The following RBM28 variants were observed in gnomAD, a reference collection of about 807,000 sequenced individuals.
RBM28 encodes RNA binding motif protein 28.
RBM28 carries 78 observed loss-of-function variants against 98.3 expected under a neutral mutation model. The ratio of observed to expected loss-of-function variants is 0.79; its 90% confidence interval spans 0.66 to 0.96. The LOEUF (loss-of-function observed/expected upper bound fraction) is 0.96, where lower values mean the gene tolerates loss of function less well. RBM28 is among the 40% of genes least tolerant of loss of function. The pLI, the probability that RBM28 is intolerant of heterozygous loss-of-function variation, is 0.00. For synonymous variants in RBM28, 306 were observed against 330.9 expected (o/e 0.92, Z 0.82); for missense variants, 838 against 913.0 (o/e 0.92, Z 1.06).
At chr7:128,318,772 A>G (rs1007155905) in intron 14 of RBM28, among the ~76,000 whole-genome samples, 1 of 152,264 alleles carries the variant, frequency 6.6e-6, no homozygotes, top group Non-Finnish European at 1.5e-5. Context: ...ATTGAGAGGT[A>G]CATGGTATTT....
At chr7:128,343,633 T>G in intron 1 of RBM28, 43 bp downstream of exon 1, 1 of 1,457,634 alleles carries the variant, frequency 6.9e-7, no homozygotes, top group Non-Finnish European at 9.4e-7. Flanking sequence ...GTGCCCTCGA[T>G]CGCAGGAAAC....
At position 128,331,012 on chromosome 7, in the gene RBM28, A is replaced by G. The variant is rs1460107416; in HGVS notation, c.1020-84T>C. 6 of 906,002 alleles carry G rather than the reference A, an allele frequency of 6.6e-6. No individual in the cohort carries two copies. In the East Asian group the frequency reaches 7.3e-5, roughly 11 times the overall value. 56.1% of individuals were successfully genotyped at this position (906,002 alleles called of 1,614,324 possible). ...TTCCAGGACAATGTAAGTGAGTTAG[A>G]TATCAACTCTCCCTTGTTCAGAAAT... On this transcript the variant is annotated intron_variant, in intron 9 of 18. Coordinates refer to ENST00000223073, the MANE Select transcript of RBM28 (RefSeq NM_018077.3).
At chr7:128,337,617 G>A (rs1290859766) in intron 5 of RBM28, among the ~76,000 whole-genome samples, 1 of 146,616 alleles carries the variant, frequency 6.8e-6, no homozygotes. Flanking sequence ...GGAGTGCAGT[G>A]GTGCCATCTC....
rs1562959296 is a variant in RBM28 at position 128,338,295 on chromosome 7, C to CT, written c.495dup (p.Glu166ArgfsTer4). ...ATGCCTTTGAGAGCTTTACCTGCTTCTAGGAGGTTTTTGAACTGAACAAAA... is the reference window on the plus strand; with the variant it reads ...ATGCCTTTGAGAGCTTTACCTGCTTCTTAGGAGGTTTTTGAACTGAACAAAA... On this transcript the variant is annotated frameshift_variant, in exon 5 of 19. Coordinates refer to ENST00000223073, the MANE Select transcript of RBM28 (RefSeq NM_018077.3). LOFTEE classifies it high-confidence loss of function. 6.2e-7 allele frequency: 1 copy of CT among 1,614,128 alleles called. No homozygotes were observed. Among genetic ancestry groups the CT allele is most frequent in the Admixed American group, 1.7e-5 (1 of 60,014 alleles).
chr7:128,313,125 G>A lies in RBM28; in HGVS notation c.2145+50C>T, dbSNP rs371812577. On this transcript the variant is annotated intron_variant, in intron 18 of 18. Transcript: ENST00000223073. ...CTAACCAAGGTACAAACATGGCTAC[G>A]ACCTGGCAGAACCATGCCATACCAA... 1,030 of 1,555,972 alleles carry A rather than the reference G, an allele frequency of 6.6e-4. 1 individual carries two copies. Among genetic ancestry groups the A allele is most frequent in the Non-Finnish European group, 8.7e-4 (984 of 1,127,182 alleles).
chr7:128,338,833 A>G (rs1297339753), intron 3 of RBM28, 32 bp from the exon 4 acceptor site: 1 of 1,441,232 alleles, frequency 6.9e-7, no homozygotes, highest in Admixed American at 1.7e-5. Context: ...GAAAAAGAGA[A>G]ACACAATCAC....
intron 17 of RBM28, among the ~76,000 whole-genome samples, chr7:128,314,152 C>T (rs1194488675): frequency 6.6e-6 from 1 of 152,006 alleles, no homozygotes; most frequent in African/African-American, 2.4e-5. Flanking sequence ...TTAGTAGAGA[C>T]GGGGTTTCAG....
intron 17 of RBM28, among the ~76,000 whole-genome samples, chr7:128,314,140 T>G (rs569157825): frequency 1.6e-4 from 25 of 152,228 alleles, no homozygotes; most frequent in African/African-American, 6.0e-4. Flanking sequence ...TTTTTTGTAT[T>G]TTTAGTAGAG....
chr7:128,331,977 T>C (rs2116371474), intron 9 of RBM28, among the ~76,000 whole-genome samples: 1 of 152,302 alleles, frequency 6.6e-6, no homozygotes, highest in East Asian at 1.9e-4. Flanking sequence ...ATAGACATAG[T>C]TTTCTCTCTT....
rs926467474 is a variant in RBM28, at chr7:128,324,754, C to T, written c.1204-60G>A. ...AATGGCCGGGCACAGTGGCTCACACCTGTAAACCGAGCACTTTGGGAGGCT... is the reference window on the plus strand; with the variant it reads ...AATGGCCGGGCACAGTGGCTCACACTTGTAAACCGAGCACTTTGGGAGGCT... On this transcript the variant is annotated intron_variant, in intron 11 of 18. Coordinates refer to ENST00000223073, the MANE Select transcript of RBM28 (RefSeq NM_018077.3). 3.1e-6 allele frequency: 5 copies of T among 1,610,638 alleles called. No individual in the cohort carries two copies. In the East Asian group the frequency reaches 6.7e-5, roughly 22 times the overall value.
intron 18 of RBM28, among the ~76,000 whole-genome samples, chr7:128,311,569 C>T (rs1795986389): frequency 6.6e-6 from 1 of 152,162 alleles, no homozygotes; most frequent in Non-Finnish European, 1.5e-5. Context: ...AGCAAGGATA[C>T]TACCAGACAA....
At chr7:128,312,082 T>C (rs1378932089) in intron 18 of RBM28, among the ~76,000 whole-genome samples, 1 of 135,062 alleles carries the variant, frequency 7.4e-6, no homozygotes, top group Non-Finnish European at 1.7e-5. Context: ...TCAGGCGATA[T>C]AAGGAAACAC....
rs1171977757 is a variant in RBM28, at chr7:128,313,220, C to G, written c.2100G>C (p.Gln700His). 6.2e-7 allele frequency: 1 copy of G among 1,614,182 alleles called. No individual in the cohort carries two copies. The highest frequency in any genetic ancestry group is 2.2e-5 in the East Asian group (1 of 44,884). Residue 700 changes from glutamine (Q) to histidine (H), a missense_variant, in exon 18 of 19, where the codon CAG becomes CAC. Coordinates refer to ENST00000223073, the MANE Select transcript of RBM28 (RefSeq NM_018077.3). ...GCTTCTCCTGCTTCCACTGGTTTAT[C>G]TGTGGCTTTGGCTTTTTGGGATGGA... The part of the protein sequence containing the change: ...KPVHPKKPKP[Q>H]INQWKQEKQQ...
chr7:128,333,248 T>C lies in RBM28; in HGVS notation c.1019+42A>G, dbSNP rs1227653272. Reference sequence around the variant, plus strand: ...GAGAAGAAGAAGGAAGAGAGATCTATGAAGACCACGCAAAAGCAATTCTGG... The same window carrying C: ...GAGAAGAAGAAGGAAGAGAGATCTACGAAGACCACGCAAAAGCAATTCTGG... On this transcript the variant is annotated intron_variant, in intron 9 of 18. Coordinates refer to ENST00000223073, the MANE Select transcript of RBM28 (RefSeq NM_018077.3). 8 of 1,458,860 alleles carry C rather than the reference T, an allele frequency of 5.5e-6. No homozygotes were observed. The South Asian group carries it at 6.8e-5, about 12-fold the overall frequency. 90.4% of individuals were successfully genotyped at this position (1,458,860 alleles called of 1,614,324 possible). A position where few individuals can be genotyped will look rare whatever the true frequency, so the allele number is the denominator to read the frequency against.
intron 13 of RBM28, 103 bp downstream of exon 13, chr7:128,323,424 G>A (rs1412584590): frequency 7.4e-7 from 1 of 1,355,932 alleles, no homozygotes; most frequent in African/African-American, 1.4e-5. Context: ...TATGGTCTGT[G>A]ACCATACTGG....
At chr7:128,325,291 C>T (rs1796324543) in intron 11 of RBM28, among the ~76,000 whole-genome samples, 1 of 152,162 alleles carries the variant, frequency 6.6e-6, no homozygotes, top group African/African-American at 2.4e-5. Context: ...AAAGTAGACC[C>T]AAACTGAGGA....
Position 128,314,869 on chromosome 7 carries a change from CATG to C in RBM28, c.1937_1939del (p.Ser646del). The C allele has an allele frequency of 6.2e-7, 1 of 1,614,174 alleles. No individual in the cohort carries two copies. The highest frequency in any genetic ancestry group is 8.5e-7 in the Non-Finnish European group (1 of 1,180,028). On this transcript the variant is annotated inframe_deletion, in exon 17 of 19. Transcript: ENST00000223073. The stretch of plus-strand genomic sequence containing the variant: ...TTCAGCCTTGGTCTGGAACCCGGTC[CATG>C]AGGTAGAGCCCGCCTTTCTCTTCTG...
chr7:128,325,329 A>C (rs1796325118), intron 11 of RBM28, among the ~76,000 whole-genome samples: 1 of 152,248 alleles, frequency 6.6e-6, no homozygotes, highest in Non-Finnish European at 1.5e-5. Flanking sequence ...GCAAATGTCT[A>C]GTATTGTAAA....
chr7:128,331,072 T>C (rs1796470187), intron 9 of RBM28, 144 bp from the exon 10 acceptor site: 1 of 689,458 alleles, frequency 1.5e-6, no homozygotes, highest in Non-Finnish European at 2.6e-6. Flanking sequence ...CCAGTGACCC[T>C]TGGCCCCAAC....
Sources: gnomAD v4.1 joint callset for allele counts (sites outside exome capture counted in the v4.1 genomes callset) on GRCh38, gnomAD v4.1.1 for gene constraint, MANE v1.5 for transcripts, NCBI Gene and HGNC (gene_info 2026-07-23, HGNC 2026-07-21) for gene names.